ZNF503: variants seen among roughly 807,000 people sequenced by gnomAD.
ZNF503 encodes the protein NocA-like zinc finger 2.
Under a neutral mutation model 34.4 loss-of-function variants are expected in ZNF503, and 15 were observed. That is an observed-to-expected ratio of 0.44 (90% confidence interval 0.29 to 0.67). The LOEUF (loss-of-function observed/expected upper bound fraction) is 0.67, where lower values mean the gene tolerates loss of function less well. Ranked by LOEUF, ZNF503 falls within the 30% of genes least tolerant of loss-of-function variation. ZNF503 has a pLI of 0.13. For missense variants in ZNF503, 1,007 were observed against 926.8 expected (o/e 1.09, Z -1.12); for synonymous variants, 580 against 456.8 (o/e 1.27, Z -3.44).
Position 75,399,032 on chromosome 10 carries a change from G to A in ZNF503, c.1658C>T (p.Ser553Leu), listed in dbSNP as rs1244903813. 1 of 1,611,540 alleles carries A rather than the reference G, an allele frequency of 6.2e-7. No homozygotes were observed. The highest frequency in any genetic ancestry group is 8.5e-7 in the Non-Finnish European group (1 of 1,179,736). The change falls in exon 2 of 2, where the codon TCG becomes TTG. Residue 553 changes from serine (S) to leucine (L), a missense_variant. Physicochemically the swap from Ser to Leu is moderately radical, Grantham distance 145. Coordinates refer to ENST00000372524, the MANE Select transcript of ZNF503 (RefSeq NM_032772.6). ...TAFPGTDKLL[S>L]GYPSSSSLAS... ...CAGAGACGACGAGCTGGGGTAGCCC[G>A]ACAGCAGTTTGTCTGTCCCGGGAAA... is the stretch of plus-strand genomic sequence containing the variant.
the ZNF503 span, among the ~76,000 whole-genome samples, chr10:75,303,537 C>CA: frequency 6.6e-6 from 1 of 152,252 alleles, no homozygotes; most frequent in African/African-American, 2.4e-5. Context: ...GCTCTTGCCT[C>CA]ACTCTTGCCC....
the ZNF503 span, chr10:75,283,228 A>G: frequency 1.3e-5 from 2 of 152,236 alleles, no homozygotes; most frequent in African/African-American, 2.4e-5. Context: ...CTCCTTGAGG[A>G]GTGATGAAAG....
the ZNF503 span, among the ~76,000 whole-genome samples, chr10:75,291,272 T>C: frequency 6.6e-6 from 1 of 152,240 alleles, no homozygotes; most frequent in Non-Finnish European, 1.5e-5. Context: ...TTGGACATGA[T>C]GCTCTAGTCT....
At chr10:75,381,652 T>C in the ZNF503 span, among the ~76,000 whole-genome samples, 1 of 152,032 alleles carries the variant, frequency 6.6e-6, no homozygotes, top group Non-Finnish European at 1.5e-5. Flanking sequence ...AGCAACAAAA[T>C]AGAACTTTGA....
chr10:75,281,714 G>A, the ZNF503 span, among the ~76,000 whole-genome samples: 1 of 152,194 alleles, frequency 6.6e-6, no homozygotes, highest in African/African-American at 2.4e-5. Flanking sequence ...TCTGTCCAAA[G>A]AAGAGGCCAC....
At chr10:75,387,976 A>C in the ZNF503 span, among the ~76,000 whole-genome samples, 2 of 152,172 alleles carry the variant, frequency 1.3e-5, no homozygotes, top group Non-Finnish European at 2.9e-5. Flanking sequence ...TCTATGTGGG[A>C]GGAGGGGTCC....
At chr10:75,400,993 G>T in intron 1 of ZNF503, 112 bp downstream of exon 1, 1 of 1,469,596 alleles carries the variant, frequency 6.8e-7, no homozygotes, top group South Asian at 1.2e-5. Flanking sequence ...CCCCCATTCG[G>T]GAGCTGAATC....
At chr10:75,376,480 C>T in the ZNF503 span, among the ~76,000 whole-genome samples, 5 of 152,020 alleles carry the variant, frequency 3.3e-5, no homozygotes, top group African/African-American at 9.7e-5. Context: ...CCTGTCTCTA[C>T]GAAAAATACA....
chr10:75,303,662 T>C, the ZNF503 span, among the ~76,000 whole-genome samples: 37,796 of 151,982 alleles, frequency 0.25, 5,708 homozygotes, highest in African/African-American at 0.42. Context: ...GTCATTCACT[T>C]ATTTATCCAT....
chr10:75,359,897 C>T, the ZNF503 span, among the ~76,000 whole-genome samples: 1 of 152,118 alleles, frequency 6.6e-6, no homozygotes, highest in African/African-American at 2.4e-5. Flanking sequence ...CCAATCACTT[C>T]ATTTGCTCCC....
the ZNF503 span, among the ~76,000 whole-genome samples, chr10:75,310,993 T>G: frequency 6.6e-6 from 1 of 152,188 alleles, no homozygotes; most frequent in Non-Finnish European, 1.5e-5. Flanking sequence ...GACAATTGTT[T>G]TAGCCAGGGT....
At chr10:75,363,980 A>G in the ZNF503 span, among the ~76,000 whole-genome samples, 1 of 152,176 alleles carries the variant, frequency 6.6e-6, no homozygotes, top group African/African-American at 2.4e-5. Flanking sequence ...CACTGACTAC[A>G]GTCCCACTGG....
At chr10:75,388,540 A>G in the ZNF503 span, among the ~76,000 whole-genome samples, 1 of 152,242 alleles carries the variant, frequency 6.6e-6, no homozygotes, top group South Asian at 2.1e-4. Context: ...TGAAAGGCAC[A>G]AGAATAATAG....
At position 75,399,352 on chromosome 10, in the gene ZNF503, GGCC is replaced by G; in HGVS notation, c.1335_1337del (p.Ala447del). The G allele has an allele frequency of 6.2e-7, 1 of 1,604,594 alleles. No individual in the cohort carries two copies. The highest frequency in any genetic ancestry group is 8.5e-7 in the Non-Finnish European group (1 of 1,177,730). On this transcript the variant is annotated inframe_deletion, in exon 2 of 2. Coordinates refer to ENST00000372524, the MANE Select transcript of ZNF503 (RefSeq NM_032772.6). ...GATCATGTGCGCAAGAAGCGCTGGCGGCCGCCGCCCCTGCCAGGTGGCTAGCGC... is the reference window on the plus strand; with the variant it reads ...GATCATGTGCGCAAGAAGCGCTGGCGGCCGCCCCTGCCAGGTGGCTAGCGC...
chr10:75,297,000 C>T, the ZNF503 span, among the ~76,000 whole-genome samples: 1 of 152,100 alleles, frequency 6.6e-6, no homozygotes, highest in Non-Finnish European at 1.5e-5. Flanking sequence ...CTCCATCTAC[C>T]CCCAGTTTCT....
At chr10:75,301,303 T>A in the ZNF503 span, among the ~76,000 whole-genome samples, 1 of 152,056 alleles carries the variant, frequency 6.6e-6, no homozygotes, top group Non-Finnish European at 1.5e-5. Flanking sequence ...TGCAGTGGTG[T>A]GATCTTGGCT....
chr10:75,308,893 G>A, the ZNF503 span, among the ~76,000 whole-genome samples: 10 of 152,236 alleles, frequency 6.6e-5, no homozygotes, highest in African/African-American at 2.4e-4. Context: ...CCAGGCCAGA[G>A]TGCAGTGGTG....
the ZNF503 span, among the ~76,000 whole-genome samples, chr10:75,327,727 T>C: frequency 1.3e-5 from 2 of 152,302 alleles, no homozygotes; most frequent in Admixed American, 6.5e-5. Flanking sequence ...CCGTGTGTAA[T>C]AGTTCCTTTT....
chr10:75,389,367 G>A, the ZNF503 span, among the ~76,000 whole-genome samples: 1 of 152,144 alleles, frequency 6.6e-6, no homozygotes, highest in Non-Finnish European at 1.5e-5. Context: ...TCCTCCCAGT[G>A]CCCTCTTGGA....
Sources: gnomAD v4.1 joint callset for allele counts (sites outside exome capture counted in the v4.1 genomes callset) on GRCh38, gnomAD v4.1.1 for gene constraint, MANE v1.5 for transcripts, NCBI Gene and HGNC (gene_info 2026-07-23, HGNC 2026-07-21) for gene names.